PCDHA5: variants seen among roughly 807,000 people sequenced by gnomAD.
PCDHA5 encodes the protein protocadherin alpha 5.
A neutral mutation model predicts 61.6 loss-of-function variants in PCDHA5; 43 were observed. The ratio of observed to expected loss-of-function variants is 0.70; its 90% CI spans 0.55 to 0.90. PCDHA5 has a LOEUF of 0.90. PCDHA5 is among the 40% of genes least tolerant of loss of function. The probability of loss-of-function intolerance (pLI) is 0.00; values close to 1 mark genes in which losing one functional copy is unlikely to be tolerated. For synonymous variants in PCDHA5, 627 were observed against 543.9 expected (o/e 1.15, Z -2.13); for missense variants, 1,298 against 1,222.7 (o/e 1.06, Z -0.92).
At chr5:140,855,178 G>C (rs1170062889) in intron 1 of PCDHA5, among the ~76,000 whole-genome samples, 2 of 149,594 alleles carry the variant, frequency 1.3e-5, no homozygotes, top group African/African-American at 4.9e-5. Flanking sequence ...AAACAAATGT[G>C]GCCAAATTGA....
intron 1 of PCDHA5, among the ~76,000 whole-genome samples, chr5:140,965,098 A>G (rs1554227430): frequency 6.6e-6 from 1 of 152,244 alleles, no homozygotes; most frequent in African/African-American, 2.4e-5. Flanking sequence ...GTCCATAGCT[A>G]GAAAATGACC....
At chr5:141,003,087 G>T (rs894210434) in intron 3 of PCDHA5, among the ~76,000 whole-genome samples, 2 of 152,198 alleles carry the variant, frequency 1.3e-5, no homozygotes, top group African/African-American at 4.8e-5. Context: ...AGTTTAACAG[G>T]CCTGGCATTT....
At position 140,824,132 on chromosome 5, in the gene PCDHA5, G is replaced by A; in HGVS notation, c.2352+5G>A. The A allele has an allele frequency of 6.2e-7, 1 of 1,613,590 alleles. No homozygotes were observed. The highest frequency in any genetic ancestry group is 8.5e-7 in the Non-Finnish European group (1 of 1,179,534). On this transcript the variant is annotated splice_donor_5th_base_variant and intron_variant, in intron 1 of 3. Coordinates refer to ENST00000529859, the MANE Select transcript of PCDHA5 (RefSeq NM_018908.3). Reference sequence around the variant, plus strand: ...GGTCCCACCTCTACAGACAACGTGAGTTTTCTAATATTAACATCCATCTTT... The same window carrying A: ...GGTCCCACCTCTACAGACAACGTGAATTTTCTAATATTAACATCCATCTTT...
At chr5:140,859,459 C>G (rs1379028308) in intron 1 of PCDHA5, 1 of 216,756 alleles carries the variant, frequency 4.6e-6, no homozygotes, top group Non-Finnish European at 8.9e-6. Context: ...AGTGACAAAA[C>G]TACACTATCA....
At chr5:140,828,051 C>G in intron 1 of PCDHA5, 3 of 1,545,276 alleles carry the variant, frequency 1.9e-6, no homozygotes, top group Non-Finnish European at 2.6e-6. Flanking sequence ...TATCTTTATG[C>G]GGAAGATCTT....
chr5:140,870,229 C>T (rs781897836), intron 1 of PCDHA5: 13 of 1,614,046 alleles, frequency 8.1e-6, no homozygotes, highest in East Asian at 4.5e-5. Context: ...CGTGTCTGAC[C>T]GTGACTCAGG....
In PCDHA5 at chr5:140,882,450, C is replaced by A. The variant is rs781827745; in HGVS notation, c.2352+58323C>A. On this transcript the variant is annotated intron_variant, in intron 1 of 3. Transcript: ENST00000529859. ...GGGCTGGAGCTGGCGGAGCTGGTGC[C>A]GCGCCTGTTCCGGGTGGCGTCCAAA... The A allele has an allele frequency of 1.7e-5, 28 of 1,613,872 alleles. No individual in the cohort carries two copies. In the East Asian group the frequency reaches 4.5e-4, roughly 26 times the overall value.
chr5:140,877,647 G>A, intron 1 of PCDHA5: 2 of 1,613,510 alleles, frequency 1.2e-6, no homozygotes, highest in South Asian at 1.1e-5. Flanking sequence ...GTTGCTCAGC[G>A]CCGCCCACCG....
intron 3 of PCDHA5, among the ~76,000 whole-genome samples, chr5:141,000,278 G>A (rs574420053): frequency 6.6e-6 from 1 of 151,194 alleles, no homozygotes; most frequent in South Asian, 2.1e-4. Flanking sequence ...GGGAGGCAGA[G>A]GTGGGAATAT....
chr5:140,954,724 C>T (rs2095079319), intron 1 of PCDHA5, among the ~76,000 whole-genome samples: 1 of 152,196 alleles, frequency 6.6e-6, no homozygotes, highest in Admixed American at 6.5e-5. Context: ...TGTAGGTTGT[C>T]TTTTCACTCT....
Position 140,969,016 on chromosome 5 carries a change from A to C in PCDHA5, c.2353-9933A>C. Reference sequence around the variant, plus strand: ...GTGGAGGCTTCTGTGGAGTAAGGGAAAGGTCCCCTGCAGAACTGTACAAAC... The same window carrying C: ...GTGGAGGCTTCTGTGGAGTAAGGGACAGGTCCCCTGCAGAACTGTACAAAC... On this transcript the variant is annotated intron_variant, in intron 1 of 3. Coordinates refer to ENST00000529859, the MANE Select transcript of PCDHA5 (RefSeq NM_018908.3). 6.2e-7 allele frequency: 1 copy of C among 1,614,172 alleles called. No homozygotes were observed. Among genetic ancestry groups the C allele is most frequent in the South Asian group, 1.1e-5 (1 of 91,072 alleles).
At chr5:140,829,051 T>G (rs2150162199) in intron 1 of PCDHA5, 1 of 1,613,104 alleles carries the variant, frequency 6.2e-7, no homozygotes, top group South Asian at 1.1e-5. Flanking sequence ...AAATCCTCAT[T>G]GACGCCACGG....
At chr5:140,985,129 G>T (rs545746675) in intron 3 of PCDHA5, among the ~76,000 whole-genome samples, 15 of 152,188 alleles carry the variant, frequency 9.9e-5, no homozygotes, top group Admixed American at 8.5e-4. Context: ...AGTAAAGACG[G>T]GGTTTCACCG....
At chr5:140,830,309 G>C (rs2150184814) in intron 1 of PCDHA5, 1 of 1,613,974 alleles carries the variant, frequency 6.2e-7, no homozygotes. Flanking sequence ...GCCCACGCTG[G>C]TGTGCTCCAG....
Position 140,850,919 on chromosome 5 carries a change from T to C in PCDHA5, c.2352+26792T>C, listed in dbSNP as rs2150502156. 62 of 1,527,062 alleles carry C rather than the reference T, an allele frequency of 4.1e-5. 7 individuals are homozygous for C. The highest frequency in any genetic ancestry group is 4.8e-5 in the Non-Finnish European group (55 of 1,135,558). The allele number at this position is 1,527,062 out of a possible 1,614,324, so 94.6% of individuals were successfully genotyped here. ...GTTTTTCTAGCATTTTATTTATTTA[T>C]ATAATTTTTTTTCTTGAAAGATATT... On this transcript the variant is annotated intron_variant, in intron 1 of 3. Coordinates refer to ENST00000529859, the MANE Select transcript of PCDHA5 (RefSeq NM_018908.3).
intron 1 of PCDHA5, among the ~76,000 whole-genome samples, chr5:140,833,519 A>G (rs1287157587): frequency 6.6e-6 from 1 of 152,228 alleles, no homozygotes; most frequent in African/African-American, 2.4e-5. Flanking sequence ...GCATATATTC[A>G]TAACACACAA....
intron 1 of PCDHA5, chr5:140,967,982 G>T (rs1563372383): frequency 1.9e-6 from 3 of 1,614,224 alleles, no homozygotes; most frequent in Non-Finnish European, 2.5e-6. Context: ...GGGTCTGGAG[G>T]CCACACTGCC....
chr5:140,892,578 T>G (rs2063581965), intron 1 of PCDHA5, among the ~76,000 whole-genome samples: 1 of 152,178 alleles, frequency 6.6e-6, no homozygotes, highest in Non-Finnish European at 1.5e-5. Context: ...AAAGTATATC[T>G]CAGTATTCAT....
chr5:140,841,385 G>C, intron 1 of PCDHA5: 2 of 1,613,440 alleles, frequency 1.2e-6, no homozygotes, highest in Non-Finnish European at 1.7e-6. Context: ...TCTGCTCCTC[G>C]CAGCCTGGAA....
Sources: allele counts gnomAD v4.1 joint callset (sites outside exome capture counted in the v4.1 genomes callset), GRCh38; gene constraint gnomAD v4.1.1; transcripts MANE v1.5; gene names NCBI Gene and HGNC (gene_info 2026-07-23, HGNC 2026-07-21).